SERPINB8: variants seen among roughly 807,000 people sequenced by gnomAD.
SERPINB8 encodes the protein serpin family B member 8.
In SERPINB8, 25 loss-of-function variants were observed where a neutral mutation model predicts 35.3. The observed-to-expected ratio is 0.71, with a 90% CI of 0.52 to 0.99. SERPINB8 has a LOEUF of 0.99. Among genes scored for constraint, SERPINB8 ranks in the 50% least tolerant of loss-of-function variants. The pLI is 0.00. For synonymous variants in SERPINB8, 186 were observed against 160.8 expected, an observed-to-expected ratio of 1.16 and a Z score of -1.19; for missense variants, 484 against 446.5, an observed-to-expected ratio of 1.08 and a Z score of -0.76.
intron 1 of SERPINB8, among the ~76,000 whole-genome samples, chr18:63,995,618 G>A (rs933997575): frequency 6.6e-6 from 1 of 152,188 alleles, no homozygotes; most frequent in African/African-American, 2.4e-5. Flanking sequence ...GCTGCACTTA[G>A]GGTCATCTTA....
At chr18:64,009,108 C>T (rs956826205), downstream of SERPINB8, among the ~76,000 whole-genome samples, 4 of 152,006 alleles carry the variant, frequency 2.6e-5, no homozygotes, top group African/African-American at 9.7e-5. Flanking sequence ...GCTCAAAAAC[C>T]TTAAGATTCT....
At chr18:63,989,568 G>T (rs183225102), downstream of SERPINB8, among the ~76,000 whole-genome samples, 28 of 152,202 alleles carry the variant, frequency 1.8e-4, no homozygotes, top group African/African-American at 6.7e-4. Context: ...ACCAATACTT[G>T]GTACTACCAG....
chr18:63,970,202 A>T, intron 1 of SERPINB8, 32 bp downstream of exon 1: 1 of 270,048 alleles, frequency 3.7e-6, no homozygotes, highest in Non-Finnish European at 7.2e-6. Flanking sequence ...CGGGCGGGGC[A>T]GGCACGGAGG....
At position 63,983,666 on chromosome 18, in the gene SERPINB8, G is replaced by A. The variant is rs753771579; in HGVS notation, c.512G>A (p.Trp171Ter). The stretch of plus-strand genomic sequence containing the variant: ...AATGCCATTTATTTCAAGGGAAAGT[G>A]GAATGAGCAATTTGACAGAAAGTAC... The part of the protein sequence containing the change: ...LVNAIYFKGK[W>*]NEQFDRKYTR... Residue 171 changes from tryptophan to a stop codon, truncating the protein, a stop_gained, in exon 5 of 7, where the codon TGG (tryptophan) becomes TAG (stop). Coordinates refer to ENST00000397985, the MANE Select transcript of SERPINB8 (RefSeq NM_002640.4). LOFTEE classifies it high-confidence loss of function. The A allele has an allele frequency of 5.6e-6, 9 of 1,613,800 alleles. No homozygotes were observed. The African/African-American group carries it at 8.0e-5, about 14-fold the overall frequency.
chr18:64,014,784 T>A (rs576696740), intron 7 of SERPINB8, among the ~76,000 whole-genome samples: 8 of 152,158 alleles, frequency 5.3e-5, no homozygotes, highest in African/African-American at 1.9e-4. Flanking sequence ...ATGCCGTTTT[T>A]AAAAATTCCT....
chr18:64,001,399 GGGGAC>G (rs2050873460), intron 1 of SERPINB8, among the ~76,000 whole-genome samples: 1 of 152,086 alleles, frequency 6.6e-6, no homozygotes, highest in Non-Finnish European at 1.5e-5. Context: ...AAATCAGAGT[GGGGAC>G]CTAAGGCACT....
chr18:64,017,557 C>T (rs1302263483), intron 7 of SERPINB8, among the ~76,000 whole-genome samples: 2 of 152,132 alleles, frequency 1.3e-5, no homozygotes, highest in East Asian at 3.9e-4. Context: ...TGTACATGAA[C>T]TAGTTGAATC....
chr18:63,985,327 G>A lies in SERPINB8; in HGVS notation c.720+82G>A, dbSNP rs2050737030. 11 of 1,510,350 alleles carry A rather than the reference G, an allele frequency of 7.3e-6. No individual in the cohort carries two copies. In the South Asian group the frequency reaches 1.3e-4, roughly 18 times the overall value. The allele number at this position is 1,510,350 out of a possible 1,614,324, so 93.6% of individuals were successfully genotyped here. On this transcript the variant is annotated intron_variant, in intron 6 of 6. Transcript: ENST00000397985. Reference sequence around the variant, plus strand: ...TATGTTCATCTACCAATTGGCATTTGAGGAGTTTCCAGTTGGGGTTATTAC... The same window carrying A: ...TATGTTCATCTACCAATTGGCATTTAAGGAGTTTCCAGTTGGGGTTATTAC...
intron 1 of SERPINB8, among the ~76,000 whole-genome samples, chr18:63,995,023 C>T (rs1488526022): frequency 6.6e-6 from 1 of 152,140 alleles, no homozygotes; most frequent in Admixed American, 6.5e-5. Flanking sequence ...CCAAATTGCT[C>T]TCTGAGCCTG....
chr18:63,986,475 A>G, intron 6 of SERPINB8: 2 of 1,373,966 alleles, frequency 1.5e-6, no homozygotes, highest in Non-Finnish European at 9.4e-7. Flanking sequence ...TCAGAAGCAG[A>G]GTTCTGAGCC....
At chr18:63,972,131 G>T (rs1173323834) in intron 1 of SERPINB8, among the ~76,000 whole-genome samples, 3 of 151,974 alleles carry the variant, frequency 2.0e-5, no homozygotes, top group Non-Finnish European at 4.4e-5. Flanking sequence ...CTGGAATATT[G>T]TCATCGCTGG....
chr18:63,990,586 T>C (rs958141554), downstream of SERPINB8, among the ~76,000 whole-genome samples: 8 of 152,292 alleles, frequency 5.3e-5, no homozygotes, highest in Non-Finnish European at 8.8e-5. Context: ...TACATATGTA[T>C]ACATGTGCCA....
chr18:64,003,394 G>A (rs2050885162), intron 1 of SERPINB8, among the ~76,000 whole-genome samples: 1 of 152,162 alleles, frequency 6.6e-6, no homozygotes, highest in Non-Finnish European at 1.5e-5. Flanking sequence ...AGGCAGTGAT[G>A]TTGAAGTAAA....
downstream of SERPINB8, among the ~76,000 whole-genome samples, chr18:63,993,893 C>T (rs946576393): frequency 3.3e-5 from 5 of 152,194 alleles, no homozygotes; most frequent in East Asian, 1.9e-4. Context: ...CGAGCTCAGA[C>T]AGCTTCACTC....
downstream of SERPINB8, among the ~76,000 whole-genome samples, chr18:63,990,490 T>C (rs2050819096): frequency 6.8e-6 from 1 of 146,472 alleles, no homozygotes; most frequent in Non-Finnish European, 1.6e-5. Flanking sequence ...TTTCATTTCT[T>C]TTTTTTTTCA....
At position 63,987,268 on chromosome 18, in the gene SERPINB8, C is replaced by T; in HGVS notation, c.1115C>T (p.Ser372Phe). 2 of 1,611,972 alleles carry T rather than the reference C, an allele frequency of 1.2e-6. No homozygotes were observed. Among genetic ancestry groups the T allele is most frequent in the Non-Finnish European group, 1.7e-6 (2 of 1,178,572 alleles). ...TGCATCTTGTTCTGTGGCAGGTTCT[C>T]TTCTCCGTAAAGAGGAGCAATTGCT... ...TNCILFCGRFSSP is the reference protein window; with the variant it reads ...TNCILFCGRFFSP Residue 372 changes from serine to phenylalanine, a missense_variant, in exon 7 of 7, where the codon TCT becomes TTT. Coordinates refer to ENST00000397985, the MANE Select transcript of SERPINB8 (RefSeq NM_002640.4).
At chr18:64,004,285 G>A (rs796890191) in intron 1 of SERPINB8, among the ~76,000 whole-genome samples, 1 of 152,088 alleles carries the variant, frequency 6.6e-6, no homozygotes, top group Non-Finnish European at 1.5e-5. Context: ...CTGGCACTCA[G>A]TATTTGCTTA....
downstream of SERPINB8, among the ~76,000 whole-genome samples, chr18:64,008,738 T>G (rs1398596892): frequency 6.6e-6 from 1 of 152,198 alleles, no homozygotes; most frequent in African/African-American, 2.4e-5. Context: ...TATTCAAATA[T>G]AATTCAAAAA....
intron 1 of SERPINB8, among the ~76,000 whole-genome samples, chr18:63,997,898 G>A (rs1003226832): frequency 9.2e-5 from 14 of 152,216 alleles, no homozygotes; most frequent in African/African-American, 1.4e-4. Flanking sequence ...TGAGCAGACC[G>A]TGCATGTCAG....
Sources: allele counts gnomAD v4.1 joint callset (sites outside exome capture counted in the v4.1 genomes callset), GRCh38; gene constraint gnomAD v4.1.1; transcripts MANE v1.5; gene names NCBI Gene and HGNC (gene_info 2026-07-23, HGNC 2026-07-21).